The following EIF4A1 variants were observed in gnomAD, a reference collection of about 807,000 sequenced individuals.
The protein encoded by EIF4A1 is eukaryotic initiation factor 4A-I.
In EIF4A1, 11 loss-of-function variants were observed where a neutral mutation model predicts 53.5. That is an observed-to-expected ratio of 0.21 (90% CI 0.13 to 0.34). EIF4A1 has a LOEUF of 0.34. EIF4A1 is among the 10% of genes least tolerant of loss of function. The pLI, the probability that EIF4A1 is intolerant of heterozygous loss-of-function variation, is 1.00. For missense variants in EIF4A1, 213 were observed against 530.8 expected (o/e 0.40, Z 5.88); for synonymous variants, 237 against 186.7 (o/e 1.27, Z -2.20).
At chr17:7,575,844 C>A in intron 4 of EIF4A1, 1 of 203,846 alleles carries the variant, frequency 4.9e-6, no homozygotes. Flanking sequence ...GGCAGGAGTG[C>A]AATAGGACAT....
chr17:7,574,228 C>T (rs924492937), intron 1 of EIF4A1, 32 bp from the exon 2 acceptor site: 15 of 1,613,604 alleles, frequency 9.3e-6, no homozygotes, highest in Admixed American at 1.7e-5. Flanking sequence ...TTCGGTCGGG[C>T]AGGGGACAAA....
intron 1 of EIF4A1, 100 bp downstream of exon 1, chr17:7,572,964 G>C: frequency 6.2e-7 from 1 of 1,607,950 alleles, no homozygotes; most frequent in East Asian, 2.2e-5. Flanking sequence ...GGTTGCGGGA[G>C]AAACCGAACC....
At chr17:7,576,483 A>C in intron 4 of EIF4A1, 41 bp from the exon 5 acceptor site, 1 of 1,515,890 alleles carries the variant, frequency 6.6e-7, no homozygotes, top group East Asian at 2.3e-5. Flanking sequence ...TGCCGGGCAC[A>C]GTGGTAACTG....
Position 7,577,435 on chromosome 17 carries a change from A to C in EIF4A1, c.716A>C (p.Glu239Ala). The C allele has an allele frequency of 6.2e-7, 1 of 1,614,060 alleles. No individual in the cohort carries two copies. The highest frequency in any genetic ancestry group is 8.5e-7 in the Non-Finnish European group (1 of 1,180,018). ...RDPIRILVKK[E>A]ELTLEGIRQF... The stretch of plus-strand genomic sequence containing the variant: ...CCCATTCGGATTCTTGTCAAGAAGG[A>C]AGAGTTGACCCTGGAGGGTATCCGC... Residue 239 changes from glutamate to alanine, a missense_variant, in exon 7 of 11, where the codon GAA (glutamate) becomes GCA (alanine). Physicochemically the swap from Glu to Ala is moderately radical, Grantham distance 107. Around this residue, in one of 4 missense-constraint regions of EIF4A1, gnomAD observed 119 missense variants for 351.0 expected, o/e 0.34. Transcript: ENST00000293831. This position sits in a 1 kb window ranked among gnomAD's most constrained non-coding sequence, Gnocchi z 4.7.
intron 3 of EIF4A1, 97 bp from the exon 4 acceptor site, chr17:7,575,022 T>G: frequency 6.7e-7 from 1 of 1,500,066 alleles, no homozygotes; most frequent in Non-Finnish European, 9.1e-7. Flanking sequence ...ATGAAATGCT[T>G]GGTTCATTGG....
chr17:7,573,175 G>C (rs62059823), intron 1 of EIF4A1: 50,181 of 548,746 alleles, frequency 0.091, 2,763 homozygotes, highest in East Asian at 0.12. Flanking sequence ...GCGTGGGAAA[G>C]AAAGGTGGAG....
Position 7,577,526 on chromosome 17 carries a change from G to C in EIF4A1, c.768+39G>C, listed in dbSNP as rs777757461. 1 of 1,613,534 alleles carries C rather than the reference G, an allele frequency of 6.2e-7. No homozygotes were observed. On this transcript the variant is annotated intron_variant, in intron 7 of 10. Coordinates refer to ENST00000293831, the MANE Select transcript of EIF4A1 (RefSeq NM_001416.4). The surrounding 1 kb of genome is among the most constrained non-coding windows in gnomAD (Gnocchi z 4.7). ...CAGGAGGCGGGCCTGGTAGTGAGTT[G>C]TTGGGTATAGCCCCTGACTGATTTT...
chr17:7,576,949 G>A (rs765612699), intron 5 of EIF4A1, 107 bp from the exon 6 acceptor site: 3 of 1,405,402 alleles, frequency 2.1e-6, no homozygotes, highest in Non-Finnish European at 3.0e-6. Context: ...TGTACTCTGA[G>A]AGCAGACTAC....
rs748912261 is a variant in EIF4A1 at position 7,577,000 on chromosome 17, C to A, written c.515-56C>A. 8 of 1,591,384 alleles carry A rather than the reference C, an allele frequency of 5.0e-6. 1 individual carries two copies. The South Asian group carries it at 7.8e-5, about 15-fold the overall frequency. ...TTTTTATCAGCGAAGTTGGATATAT[C>A]TCTCCCACATTTCCCTAATCATATG... is the stretch of plus-strand genomic sequence containing the variant. On this transcript the variant is annotated intron_variant, in intron 5 of 10. Coordinates refer to ENST00000293831, the MANE Select transcript of EIF4A1 (RefSeq NM_001416.4).
chr17:7,574,989 A>C, intron 3 of EIF4A1, 130 bp from the exon 4 acceptor site: 1 of 1,305,844 alleles, frequency 7.7e-7, no homozygotes, highest in Non-Finnish European at 1.1e-6. Context: ...AACTGTGTTG[A>C]TTGGGAAGGT....
chr17:7,574,149 G>T, intron 1 of EIF4A1, 111 bp from the exon 2 acceptor site: 1 of 1,261,670 alleles, frequency 7.9e-7, no homozygotes. Context: ...AGTTGGATCT[G>T]GGACAGCAGA....
At chr17:7,575,545 C>T in intron 4 of EIF4A1, 6 of 507,294 alleles carry the variant, frequency 1.2e-5, no homozygotes, top group South Asian at 9.6e-5. Context: ...CTAAGAGATC[C>T]CTTGGTGTGG....
At chr17:7,576,300 T>C (rs1449654770) in intron 4 of EIF4A1, 2 of 472,274 alleles carry the variant, frequency 4.2e-6, no homozygotes, top group Non-Finnish European at 3.7e-6. Flanking sequence ...TGTGAATCAC[T>C]GTACACTCAG....
Position 7,577,390 on chromosome 17 carries a change from C to G in EIF4A1, c.671C>G (p.Thr224Ser), listed in dbSNP as rs748007558. The change falls in exon 7 of 11, where the codon ACC (threonine) becomes AGC (serine). Residue 224 changes from threonine to serine, a missense_variant. This residue lies in a region of EIF4A1 where 119 missense variants were observed against 351.0 expected (regional missense o/e 0.34). Coordinates refer to ENST00000293831, the MANE Select transcript of EIF4A1 (RefSeq NM_001416.4). The surrounding 1 kb of genome is among the most constrained non-coding windows in gnomAD (Gnocchi z 4.7). ...ATGCCTTCTGATGTGCTTGAGGTGA[C>G]CAAGAAGTTCATGAGGGACCCCATT... ...ATMPSDVLEV[T>S]KKFMRDPIRI... 5.0e-6 allele frequency: 8 copies of G among 1,613,980 alleles called. No individual in the cohort carries two copies. Among genetic ancestry groups the G allele is most frequent in the Non-Finnish European group, 5.1e-6 (6 of 1,179,992 alleles).
intron 5 of EIF4A1, 147 bp downstream of exon 5, chr17:7,576,839 C>T (rs754025470): frequency 6.9e-7 from 1 of 1,459,544 alleles, no homozygotes; most frequent in Admixed American, 1.8e-5. Flanking sequence ...TGCGTGTCAT[C>T]TGAGCCTCTG....
rs763186463 is a variant in EIF4A1, at chr17:7,577,013, C to T, written c.515-43C>T. On this transcript the variant is annotated intron_variant, in intron 5 of 10. Transcript: ENST00000293831. This position sits in a 1 kb window ranked among gnomAD's most constrained non-coding sequence, Gnocchi z 4.7. Reference sequence around the variant, plus strand: ...AGTTGGATATATCTCTCCCACATTTCCCTAATCATATGCTATATATTGGCT... The same window carrying T: ...AGTTGGATATATCTCTCCCACATTTTCCTAATCATATGCTATATATTGGCT... 7.5e-6 allele frequency: 12 copies of T among 1,606,342 alleles called. 1 individual carries two copies. In the South Asian group the frequency reaches 1.2e-4, roughly 16 times the overall value.
At position 7,577,969 on chromosome 17, in the gene EIF4A1, C is replaced by T. The variant is rs779551108; in HGVS notation, c.996+53C>T. 4.4e-6 allele frequency: 7 copies of T among 1,609,040 alleles called. No individual in the cohort carries two copies. The highest frequency in any genetic ancestry group is 2.2e-5 in the East Asian group (1 of 44,874). ...CAGAAGGGAGGATCCAAGGTGATTC[C>T]CTCTCCAAGGGGACATCAGTGCCTC... On this transcript the variant is annotated intron_variant, in intron 9 of 10. Transcript: ENST00000293831. The surrounding 1 kb of genome is among the most constrained non-coding windows in gnomAD (Gnocchi z 4.7).
At chr17:7,575,299 G>A in intron 4 of EIF4A1, 41 bp downstream of exon 4, 1 of 1,612,316 alleles carries the variant, frequency 6.2e-7, no homozygotes, top group Non-Finnish European at 8.5e-7. Flanking sequence ...GCTGATTTAG[G>A]GATGATGAGT....
In EIF4A1 at chr17:7,573,345, A is replaced by G. The variant is rs940698596; in HGVS notation, c.23+481A>G. 5 of 205,822 alleles carry G rather than the reference A, an allele frequency of 2.4e-5. No homozygotes were observed. In the Admixed American group the frequency reaches 2.8e-4, roughly 11 times the overall value. 12.7% of individuals were successfully genotyped at this position (205,822 alleles called of 1,614,324 possible). A position where few individuals can be genotyped will look rare whatever the true frequency, so the allele number is the denominator to read the frequency against. ...CCAGTCACTTCGTCGCGGCTAAAAC[A>G]CGGGTCGGGGAGAAGAAACCGGCCG... On this transcript the variant is annotated intron_variant, in intron 1 of 10. Transcript: ENST00000293831.
Sources: allele counts gnomAD v4.1 joint callset, GRCh38; gene constraint gnomAD v4.1.1; regional missense constraint gnomAD v4.1.1; non-coding constraint Gnocchi (gnomAD v3.1); transcripts MANE v1.5; gene names NCBI Gene and HGNC (gene_info 2026-07-23, HGNC 2026-07-21).